The following TDRD7 variants were observed in gnomAD, a reference collection of about 807,000 sequenced individuals.
The protein encoded by TDRD7 is tudor domain containing 7, also known as tudor domain-containing protein 7.
A neutral mutation model predicts 109.8 loss-of-function variants in TDRD7; 47 were observed. That is an observed-to-expected ratio of 0.43 (90% CI 0.34 to 0.55). The LOEUF is 0.55. Among genes scored for constraint, TDRD7 ranks in the 20% least tolerant of loss-of-function variants. The pLI is 0.03. For synonymous variants in TDRD7, 424 were observed against 457.3 expected, an observed-to-expected ratio of 0.93 and a Z score of 0.93; for missense variants, 1,164 against 1,319.2, an observed-to-expected ratio of 0.88 and a Z score of 1.82.
chr9:97,414,222 A>G (rs983345070), intron 1 of TDRD7, among the ~76,000 whole-genome samples: 4 of 152,232 alleles, frequency 2.6e-5, no homozygotes, highest in African/African-American at 4.8e-5. Flanking sequence ...ATTTCCCTGT[A>G]AGCCAAATAT....
intron 1 of TDRD7, among the ~76,000 whole-genome samples, chr9:97,422,309 T>A (rs1393289787): frequency 1.3e-5 from 2 of 151,874 alleles, no homozygotes; most frequent in Non-Finnish European, 2.9e-5. Flanking sequence ...GGCACAAGAA[T>A]CACCTGAACC....
intron 15 of TDRD7, among the ~76,000 whole-genome samples, chr9:97,486,589 C>A (rs1587895526): frequency 6.6e-6 from 1 of 152,110 alleles, no homozygotes; most frequent in African/African-American, 2.4e-5. Flanking sequence ...CTGATTTGAT[C>A]TGTCCCCAGC....
At chr9:97,437,072 G>C (rs1005824163) in intron 4 of TDRD7, among the ~76,000 whole-genome samples, 1 of 152,150 alleles carries the variant, frequency 6.6e-6, no homozygotes, top group Admixed American at 6.5e-5. Context: ...AGTAGACTTT[G>C]TTCTTAGATT....
chr9:97,474,996 G>A (rs1828991329), intron 11 of TDRD7, among the ~76,000 whole-genome samples: 1 of 152,156 alleles, frequency 6.6e-6, no homozygotes, highest in African/African-American at 2.4e-5. Flanking sequence ...GTGAAGAGAT[G>A]AAAATGAAAA....
chr9:97,418,432 G>A (rs963628796), intron 1 of TDRD7, among the ~76,000 whole-genome samples: 4 of 152,118 alleles, frequency 2.6e-5, no homozygotes, highest in Non-Finnish European at 5.9e-5. Flanking sequence ...AAGAGGGTGG[G>A]ACTAGAGAAG....
chr9:97,483,379 C>T (rs1453896672), intron 15 of TDRD7, 28 bp downstream of exon 15: 4 of 1,610,462 alleles, frequency 2.5e-6, no homozygotes, highest in Admixed American at 3.3e-5. Flanking sequence ...GCATTTTATT[C>T]TACTCCTAAG....
intron 16 of TDRD7, 113 bp from the exon 17 acceptor site, chr9:97,495,550 C>T: frequency 6.8e-6 from 7 of 1,031,752 alleles, no homozygotes; most frequent in Non-Finnish European, 9.1e-6. Context: ...GCAAGTCTAA[C>T]CTGGGATGCT....
intron 6 of TDRD7, among the ~76,000 whole-genome samples, chr9:97,446,692 T>TA (rs1486198620): frequency 6.6e-6 from 1 of 152,230 alleles, no homozygotes; most frequent in Non-Finnish European, 1.5e-5. Flanking sequence ...TTCTGTCACT[T>TA]ACATAGAGAT....
chr9:97,430,496 A>C (rs1231745014), intron 2 of TDRD7, among the ~76,000 whole-genome samples: 1 of 152,240 alleles, frequency 6.6e-6, no homozygotes, highest in African/African-American at 2.4e-5. Flanking sequence ...TTATGAGTAC[A>C]TACTTTGGAC....
chr9:97,473,351 C>T (rs1828954592), intron 10 of TDRD7, 141 bp from the exon 11 acceptor site: 1 of 1,105,124 alleles, frequency 9.0e-7, no homozygotes, highest in African/African-American at 1.5e-5. Flanking sequence ...CTATAAATTG[C>T]ATTTCATCTT....
intron 15 of TDRD7, among the ~76,000 whole-genome samples, chr9:97,486,371 T>G (rs987949844): frequency 6.6e-6 from 1 of 152,214 alleles, no homozygotes; most frequent in Non-Finnish European, 1.5e-5. Context: ...ATTTTAATGA[T>G]GTTGATGTAG....
intron 16 of TDRD7, among the ~76,000 whole-genome samples, chr9:97,493,338 G>A (rs1340226208): frequency 2.6e-5 from 4 of 152,112 alleles, no homozygotes; most frequent in African/African-American, 9.7e-5. Flanking sequence ...GTGTCCGGGG[G>A]AGACATCACA....
At chr9:97,495,130 T>C (rs16921086) in intron 16 of TDRD7, among the ~76,000 whole-genome samples, 3,837 of 152,272 alleles carry the variant, frequency 0.025, 131 homozygotes, top group East Asian at 0.11. Context: ...CTGATTTGCC[T>C]AAGACCACAC....
intron 1 of TDRD7, among the ~76,000 whole-genome samples, chr9:97,421,134 CAA>C (rs556240135): frequency 6.4e-4 from 48 of 75,128 alleles, no homozygotes; most frequent in Admixed American, 1.1e-3. Context: ...GACTCTGTCT[CAA>C]AAAAAAAAAA....
At chr9:97,441,363 T>A (rs1828301543) in intron 5 of TDRD7, among the ~76,000 whole-genome samples, 1 of 152,208 alleles carries the variant, frequency 6.6e-6, no homozygotes, top group South Asian at 2.1e-4. Context: ...TAATTATTCT[T>A]TATGTAGCAA....
chr9:97,480,673 A>T, intron 13 of TDRD7, 155 bp from the exon 14 acceptor site: 5 of 702,858 alleles, frequency 7.1e-6, no homozygotes, highest in Middle Eastern at 7.1e-4. Context: ...AACATAGCAG[A>T]TGCTCAAACC....
At position 97,490,034 on chromosome 9, in the gene TDRD7, G is replaced by GCACA. The variant is rs139007849; in HGVS notation, c.3076+2714_3076+2717dup. On this transcript the variant is annotated intron_variant, in intron 16 of 16. Coordinates refer to ENST00000355295, the MANE Select transcript of TDRD7 (RefSeq NM_014290.3). ...CAGATACATGCACATGTGCACACGT[G>GCACA]CACACACACACACACGCATACAGAA... Among the ~76,000 whole-genome samples the GCACA allele has an allele frequency of 4.0e-5, 6 of 151,164 alleles. No homozygotes were observed. In the East Asian group the frequency reaches 5.8e-4, roughly 15 times the overall value.
intron 7 of TDRD7, among the ~76,000 whole-genome samples, chr9:97,461,934 A>G (rs922237550): frequency 2.0e-5 from 3 of 152,252 alleles, no homozygotes; most frequent in Non-Finnish European, 4.4e-5. Context: ...TTCCATTTGA[A>G]CAAATGAAAT....
At chr9:97,438,802 T>C (rs1465289700) in intron 4 of TDRD7, among the ~76,000 whole-genome samples, 1 of 152,242 alleles carries the variant, frequency 6.6e-6, no homozygotes, top group Admixed American at 6.5e-5. Context: ...CTAAGTTCTC[T>C]ACCATTTTAC....
Sources: gnomAD v4.1 joint callset for allele counts (sites outside exome capture counted in the v4.1 genomes callset) on GRCh38, gnomAD v4.1.1 for gene constraint, MANE v1.5 for transcripts, NCBI Gene and HGNC (gene_info 2026-07-23, HGNC 2026-07-21) for gene names.